Variants in NEDD4L observed in about 807,000 individuals in gnomAD.
The protein encoded by NEDD4L is E3 ubiquitin-protein ligase NEDD4-like.
NEDD4L carries 54 observed loss-of-function variants against 148.9 expected under a neutral mutation model. The ratio of observed to expected loss-of-function variants is 0.36; its 90% CI spans 0.29 to 0.45. NEDD4L has a LOEUF of 0.45. Among genes scored for constraint, NEDD4L ranks in the 20% least tolerant of loss-of-function variants. NEDD4L has a pLI of 1.00. For missense variants in NEDD4L, 856 were observed against 1,233.8 expected (o/e 0.69, Z 4.59); for synonymous variants, 433 against 440.7 (o/e 0.98, Z 0.22).
At chr18:58,103,286 T>C in intron 1 of NEDD4L, among the ~76,000 whole-genome samples, 1 of 147,710 alleles carries the variant, frequency 6.8e-6, no homozygotes, top group Admixed American at 6.8e-5. Flanking sequence ...ATATATAATA[T>C]ATATAATTAT....
intron 11 of NEDD4L, among the ~76,000 whole-genome samples, chr18:58,332,143 C>A (rs1261992517): frequency 2.0e-5 from 3 of 152,116 alleles, no homozygotes; most frequent in African/African-American, 7.2e-5. Context: ...CTTTAGTAAA[C>A]CAAGTAAACA....
intron 5 of NEDD4L, among the ~76,000 whole-genome samples, chr18:58,312,041 C>T (rs761476464): frequency 1.8e-4 from 27 of 152,194 alleles, no homozygotes; most frequent in Admixed American, 9.8e-4. Context: ...TCAGTATTTA[C>T]CGCACAAGCT....
chr18:58,393,426 G>T (rs1008372310), intron 30 of NEDD4L, among the ~76,000 whole-genome samples: 1 of 152,202 alleles, frequency 6.6e-6, no homozygotes, highest in African/African-American at 2.4e-5. Context: ...AAAATTCACA[G>T]CTCTTCCCTA....
At chr18:58,141,467 G>C (rs2033494040) in intron 1 of NEDD4L, among the ~76,000 whole-genome samples, 1 of 152,068 alleles carries the variant, frequency 6.6e-6, no homozygotes, top group Admixed American at 6.5e-5. Flanking sequence ...TGATTCCTTT[G>C]AAAGACAATT....
intron 23 of NEDD4L, among the ~76,000 whole-genome samples, chr18:58,371,036 T>A (rs994489538): frequency 6.6e-6 from 1 of 151,062 alleles, no homozygotes; most frequent in Non-Finnish European, 1.5e-5. Context: ...AGGATTTTAT[T>A]TTTTTTTTAT....
intron 1 of NEDD4L, among the ~76,000 whole-genome samples, chr18:58,053,864 A>C (rs1261253104): frequency 6.6e-6 from 1 of 152,174 alleles, no homozygotes; most frequent in Non-Finnish European, 1.5e-5. Flanking sequence ...TTATGAATGA[A>C]TGTTGGAAAA....
intron 1 of NEDD4L, among the ~76,000 whole-genome samples, chr18:58,098,160 G>T (rs2145436305): frequency 6.6e-6 from 1 of 152,316 alleles, no homozygotes; most frequent in African/African-American, 2.4e-5. Flanking sequence ...CCATGGGAAG[G>T]GGGAGAGTTC....
In NEDD4L at chr18:58,198,940, G is replaced by C. The variant is rs58513595; in HGVS notation, c.122+33079G>C. Reference sequence around the variant, plus strand: ...CTGCCTCAGCCTCCCAAGTAGCTGGGATTACAGGTGCTAGCTAATGTTTGT... The same window carrying C: ...CTGCCTCAGCCTCCCAAGTAGCTGGCATTACAGGTGCTAGCTAATGTTTGT... On this transcript the variant is annotated intron_variant, in intron 2 of 30. Coordinates refer to ENST00000400345, the MANE Select transcript of NEDD4L (RefSeq NM_001144967.3). 1.1e-3 allele frequency among the ~76,000 whole-genome samples: 175 copies of C among 152,248 alleles called. 1 individual carries two copies. Among genetic ancestry groups the C allele is most frequent in the African/African-American group, 4.1e-3 (171 of 41,544 alleles).
At chr18:58,380,952 G>T (rs781134734) in intron 24 of NEDD4L, among the ~76,000 whole-genome samples, 1 of 152,096 alleles carries the variant, frequency 6.6e-6, no homozygotes, top group African/African-American at 2.4e-5. Flanking sequence ...CTTTGTAGAC[G>T]TGCCATATAT....
At chr18:58,139,947 A>G (rs764401745) in intron 1 of NEDD4L, among the ~76,000 whole-genome samples, 7 of 152,128 alleles carry the variant, frequency 4.6e-5, no homozygotes, top group Non-Finnish European at 8.8e-5. Context: ...TCAAGCAGGG[A>G]TGTGACCTGA....
chr18:58,069,112 T>G, intron 1 of NEDD4L, among the ~76,000 whole-genome samples: 1 of 136,752 alleles, frequency 7.3e-6, no homozygotes, highest in African/African-American at 2.8e-5. Context: ...CTCCAGCCTG[T>G]GTGATAGAGT....
chr18:58,118,786 T>C (rs1043079600), intron 1 of NEDD4L, among the ~76,000 whole-genome samples: 1 of 152,164 alleles, frequency 6.6e-6, no homozygotes, highest in Non-Finnish European at 1.5e-5. Flanking sequence ...TCTCCCACTC[T>C]CCAGTGAAGG....
intron 19 of NEDD4L, among the ~76,000 whole-genome samples, chr18:58,360,302 TC>T (rs2045299180): frequency 1.3e-5 from 2 of 152,356 alleles, no homozygotes; most frequent in South Asian, 4.1e-4. Context: ...TCCGATTCTC[TC>T]TAAGTATCTG....
At position 58,298,564 on chromosome 18, in the gene NEDD4L, G is replaced by A. The variant is rs184106577; in HGVS notation, c.298-17418G>A. Among the ~76,000 whole-genome samples, 9 of 152,290 alleles carry A rather than the reference G, an allele frequency of 5.9e-5. 1 individual carries two copies. ...TTAAATGAAATAATGCATGTGCAAC[G>A]TTTAGAACATTGCTTTAAAGTTTGT... On this transcript the variant is annotated intron_variant, in intron 5 of 30. Transcript: ENST00000400345.
At chr18:58,057,963 T>C (rs6566928) in intron 1 of NEDD4L, among the ~76,000 whole-genome samples, 123,147 of 152,166 alleles carry the variant, frequency 0.81, 50,380 homozygotes, top group East Asian at 1. Flanking sequence ...GGACTCTGAG[T>C]ACCCACTTCC....
intron 5 of NEDD4L, among the ~76,000 whole-genome samples, chr18:58,309,217 G>A (rs1035538470): frequency 5.9e-5 from 9 of 152,276 alleles, no homozygotes; most frequent in Admixed American, 3.9e-4. Flanking sequence ...CCTCATCAGT[G>A]GCATGGACCT....
chr18:58,167,676 A>G (rs1304895816), intron 2 of NEDD4L, among the ~76,000 whole-genome samples: 1 of 152,134 alleles, frequency 6.6e-6, no homozygotes, highest in Non-Finnish European at 1.5e-5. Context: ...CATCTTTTTA[A>G]TATCTTTCTC....
intron 1 of NEDD4L, among the ~76,000 whole-genome samples, chr18:58,142,676 G>A (rs1323776336): frequency 1.3e-5 from 2 of 152,168 alleles, no homozygotes; most frequent in Non-Finnish European, 2.9e-5. Flanking sequence ...ACCTGTATGT[G>A]TTCAGGAGAT....
rs2055482839 is a variant in NEDD4L, at chr18:58,295,857, G to T, written c.298-20125G>T. Among the ~76,000 whole-genome samples the T allele has an allele frequency of 2.0e-5, 3 of 152,100 alleles. No homozygotes were observed. The East Asian group carries it at 5.8e-4, about 29-fold the overall frequency. ...TCCTGGCAGATAGAGATTTTCTTCA[G>T]AATGTACAGATTTATTTTTGGGGGG... On this transcript the variant is annotated intron_variant, in intron 5 of 30. Transcript: ENST00000400345.
Sources: gnomAD v4.1 joint callset for allele counts (sites outside exome capture counted in the v4.1 genomes callset) on GRCh38, gnomAD v4.1.1 for gene constraint, MANE v1.5 for transcripts, NCBI Gene and HGNC (gene_info 2026-07-23, HGNC 2026-07-21) for gene names.